Variants in RELN observed in about 807,000 individuals in gnomAD.
The protein encoded by RELN is reelin.
In RELN, 108 loss-of-function variants were observed where a neutral mutation model predicts 427.6. That is an observed-to-expected ratio of 0.25 (90% CI 0.22 to 0.30). The LOEUF is 0.30. RELN is among the 10% of genes least tolerant of loss of function. The pLI, the probability that RELN is intolerant of heterozygous loss-of-function variation, is 1.00. For missense variants in RELN, 3,715 were observed against 4,302.8 expected, an observed-to-expected ratio of 0.86 and a Z score of 3.82; for synonymous variants, 1,524 against 1,513.4, an observed-to-expected ratio of 1.01 and a Z score of -0.16.
At chr7:103,961,592 G>A (rs948204655) in intron 1 of RELN, among the ~76,000 whole-genome samples, 1 of 152,176 alleles carries the variant, frequency 6.6e-6, no homozygotes, top group Non-Finnish European at 1.5e-5. Flanking sequence ...TGTTGTTGTT[G>A]TTATTTTGCT....
rs1828295451 is a variant in RELN, at chr7:103,482,981, A to G, written c.10182-10T>C. 1 of 1,611,278 alleles carries G rather than the reference A, an allele frequency of 6.2e-7. No individual in the cohort carries two copies. On this transcript the variant is annotated splice_polypyrimidine_tract_variant and intron_variant, in intron 62 of 64. Coordinates refer to ENST00000428762, the MANE Select transcript of RELN (RefSeq NM_005045.4). ...TTTCATCCGTGCCTCCCTGGGTCAC[A>G]CACAGAAGGACAAAGAAGTTATACA... is the stretch of plus-strand genomic sequence containing the variant.
intron 47 of RELN, 55 bp from the exon 48 acceptor site, chr7:103,522,254 C>T (rs1228669819): frequency 1.1e-5 from 17 of 1,567,498 alleles, no homozygotes; most frequent in Admixed American, 6.8e-5. Context: ...CCCCTGCAAG[C>T]TTGTTCTCAA....
At chr7:103,958,070 C>A (rs1456723454) in intron 1 of RELN, among the ~76,000 whole-genome samples, 1 of 152,116 alleles carries the variant, frequency 6.6e-6, no homozygotes, top group Admixed American at 6.5e-5. Context: ...CTGAGCTATA[C>A]AATGGGCAGA....
intron 11 of RELN, among the ~76,000 whole-genome samples, chr7:103,669,238 A>G (rs1227707599): frequency 6.6e-6 from 1 of 152,208 alleles, no homozygotes; most frequent in Non-Finnish European, 1.5e-5. Flanking sequence ...TAAAATGGGA[A>G]GTTTAGTCTA....
chr7:103,648,174 G>A (rs1202408164), intron 16 of RELN, among the ~76,000 whole-genome samples: 1 of 152,054 alleles, frequency 6.6e-6, no homozygotes, highest in Admixed American at 6.6e-5. Flanking sequence ...CAATATTGGA[G>A]GAGGGGCCTG....
In RELN at chr7:103,523,547, G is replaced by T. The variant is rs1283399111; in HGVS notation, c.7350-16C>A. 2 of 1,612,224 alleles carry T rather than the reference G, an allele frequency of 1.2e-6. No individual in the cohort carries two copies. Among genetic ancestry groups the T allele is most frequent in the Admixed American group, 3.3e-5 (2 of 59,876 alleles). On this transcript the variant is annotated splice_polypyrimidine_tract_variant and intron_variant, in intron 46 of 64. Coordinates refer to ENST00000428762, the MANE Select transcript of RELN (RefSeq NM_005045.4). ...GGCTTGGGACCTTTGAAGAAGATGA[G>T]AATTTTAATGAAGGATGCTGTGGAA...
rs1832678654 is a variant in RELN, at chr7:103,640,695, C to T, written c.2003-86G>A. On this transcript the variant is annotated intron_variant, in intron 16 of 64. Transcript: ENST00000428762. The surrounding 1 kb of genome is among the most constrained non-coding windows in gnomAD (Gnocchi z 4.1). ...GTGAAGTAATACTCATGAAATATGG[C>T]CCCTTGTGTGTATGTTGTGTGCAGG... 1.0e-5 allele frequency: 14 copies of T among 1,359,146 alleles called. No individual in the cohort carries two copies. The highest frequency in any genetic ancestry group is 5.6e-5 in the Admixed American group (3 of 54,038). 84.2% of individuals were successfully genotyped at this position (1,359,146 alleles called of 1,614,324 possible). A position where few individuals can be genotyped will look rare whatever the true frequency, so the allele number is the denominator to read the frequency against.
chr7:103,529,808 C>G (rs758858400), intron 46 of RELN, among the ~76,000 whole-genome samples: 6 of 152,122 alleles, frequency 3.9e-5, no homozygotes, highest in Non-Finnish European at 8.8e-5. Context: ...GAAGGTCACT[C>G]ATTCTCTCAA....
chr7:103,850,491 G>T (rs1214007401), intron 2 of RELN, among the ~76,000 whole-genome samples: 1 of 152,184 alleles, frequency 6.6e-6, no homozygotes, highest in Non-Finnish European at 1.5e-5. Context: ...TGGCACCACA[G>T]GGATCCATCG....
rs1354231399 is a variant in RELN at position 103,917,068 on chromosome 7, A to C, written c.337+7T>G. 6.2e-7 allele frequency: 1 copy of C among 1,607,878 alleles called. No homozygotes were observed. Among genetic ancestry groups the C allele is most frequent in the East Asian group, 2.2e-5 (1 of 44,822 alleles). On this transcript the variant is annotated splice_region_variant and intron_variant, in intron 2 of 64. Coordinates refer to ENST00000428762, the MANE Select transcript of RELN (RefSeq NM_005045.4). ...CCCCAAATTTCTGGTTTGTGAGAAT[A>C]GCTTACCAAATCCGAAAGCACTGGA...
rs1453280292 is a variant in RELN, at chr7:103,575,639, A to G, written c.4212T>C (p.Asp1404=). 1 of 1,614,130 alleles carries G rather than the reference A, an allele frequency of 6.2e-7. No individual in the cohort carries two copies. The highest frequency in any genetic ancestry group is 2.2e-5 in the East Asian group (1 of 44,868). ...SQKNVPPFGL[D]GVYISEPCPS... Reference sequence around the variant, plus strand: ...GACAAGGCTCGGATATGTACACTCCATCTAAACCAAATGGAGGCACGTTTT... The same window carrying G: ...GACAAGGCTCGGATATGTACACTCCGTCTAAACCAAATGGAGGCACGTTTT... Residue 1404 remains aspartate (D), a synonymous_variant, in exon 29 of 65, where the codon GAT becomes GAC. Coordinates refer to ENST00000428762, the MANE Select transcript of RELN (RefSeq NM_005045.4).
At chr7:103,697,708 G>A in intron 10 of RELN, 145 bp downstream of exon 10, 1 of 1,072,966 alleles carries the variant, frequency 9.3e-7, no homozygotes, top group South Asian at 1.5e-5. Context: ...TTAAAAGGTA[G>A]GGTAATATAA....
At chr7:103,645,109 A>G (rs1017272795) in intron 16 of RELN, among the ~76,000 whole-genome samples, 2 of 151,776 alleles carry the variant, frequency 1.3e-5, no homozygotes, top group Non-Finnish European at 3.0e-5. Context: ...GACCAATCCC[A>G]CAAGAAATGC....
At chr7:103,521,487 C>G (rs56992010) in intron 48 of RELN, among the ~76,000 whole-genome samples, 23,068 of 152,082 alleles carry the variant, frequency 0.15, 3,914 homozygotes, top group African/African-American at 0.42. Context: ...CCTGGACAAC[C>G]TATAAAAATA....
chr7:103,904,974 C>CTTT (rs1795164459), intron 2 of RELN, among the ~76,000 whole-genome samples: 1 of 98,226 alleles, frequency 1.0e-5, no homozygotes, highest in Non-Finnish European at 1.9e-5. Context: ...GAAGTTCTTT[C>CTTT]CTTTTTTTTT....
chr7:103,705,073 C>T (rs967754847), intron 8 of RELN, among the ~76,000 whole-genome samples: 2 of 152,076 alleles, frequency 1.3e-5, no homozygotes, highest in Non-Finnish European at 2.9e-5. Context: ...CTTTGTGGCC[C>T]TTTTCCTCTT....
chr7:103,975,747 C>T (rs1584414581), intron 1 of RELN, among the ~76,000 whole-genome samples: 1 of 144,874 alleles, frequency 6.9e-6, no homozygotes, highest in Non-Finnish European at 1.5e-5. Context: ...TTAGTAGAGA[C>T]GTGTTAGCCA....
chr7:103,872,207 T>TC (rs1216164025), intron 2 of RELN, among the ~76,000 whole-genome samples: 8 of 81,244 alleles, frequency 9.8e-5, no homozygotes, highest in African/African-American at 3.6e-4. Flanking sequence ...ATGCTATCCC[T>TC]CCCCCCTCCC....
intron 3 of RELN, among the ~76,000 whole-genome samples, chr7:103,800,203 T>C (rs931274042): frequency 6.6e-6 from 1 of 152,106 alleles, no homozygotes; most frequent in Admixed American, 6.6e-5. Flanking sequence ...AATTGTCCCT[T>C]TTTGCAGATG....
Sources: gnomAD v4.1 joint callset for allele counts (sites outside exome capture counted in the v4.1 genomes callset) on GRCh38, gnomAD v4.1.1 for gene constraint, Gnocchi (gnomAD v3.1) non-coding constraint, MANE v1.5 for transcripts, NCBI Gene and HGNC (gene_info 2026-07-23, HGNC 2026-07-21) for gene names.